PARD3: variants seen among roughly 807,000 people sequenced by gnomAD.
The protein encoded by PARD3 is par-3 family cell polarity regulator.
Under a neutral mutation model 155.4 loss-of-function variants are expected in PARD3, and 75 were observed. That is an observed-to-expected ratio of 0.48 (90% CI 0.40 to 0.58). The LOEUF is 0.58. PARD3 is among the 20% of genes least tolerant of loss of function. PARD3 has a pLI of 0.00. For synonymous variants in PARD3, 576 were observed against 610.5 expected (o/e 0.94, Z 0.83); for missense variants, 1,642 against 1,721.7 (o/e 0.95, Z 0.82).
rs1168038506 is a variant in PARD3, at chr10:34,718,996, G to A, written c.121-22577C>T. ...AATAAAAAATAAATTTTAAAAAAATGCATGGTGTATTGGAACAACCAGGGA... is the reference window on the plus strand; with the variant it reads ...AATAAAAAATAAATTTTAAAAAAATACATGGTGTATTGGAACAACCAGGGA... On this transcript the variant is annotated intron_variant, in intron 1 of 24. Coordinates refer to ENST00000374788, the MANE Select transcript of PARD3 (RefSeq NM_001184785.2). Among the ~76,000 whole-genome samples, 8 of 152,218 alleles carry A rather than the reference G, an allele frequency of 5.3e-5. No homozygotes were observed. The East Asian group carries it at 1.5e-3, about 29-fold the overall frequency.
At chr10:34,798,896 T>C (rs576704209) in intron 1 of PARD3, among the ~76,000 whole-genome samples, 25 of 151,796 alleles carry the variant, frequency 1.6e-4, no homozygotes, top group African/African-American at 6.1e-4. Context: ...GGGCCAGGAG[T>C]CCTCCAACCC....
At chr10:34,737,460 T>G (rs1304430309) in intron 1 of PARD3, among the ~76,000 whole-genome samples, 2 of 152,188 alleles carry the variant, frequency 1.3e-5, no homozygotes, top group Non-Finnish European at 2.9e-5. Flanking sequence ...GGAGCCGATT[T>G]TACCACAGAG....
intron 2 of PARD3, among the ~76,000 whole-genome samples, chr10:34,661,788 C>T (rs2093332257): frequency 2.0e-5 from 3 of 152,250 alleles, no homozygotes; most frequent in Admixed American, 1.3e-4. Context: ...AAGGAGGGAC[C>T]GCCCAGACAG....
intron 2 of PARD3, among the ~76,000 whole-genome samples, chr10:34,617,886 C>A (rs1261607980): frequency 6.6e-6 from 1 of 152,046 alleles, no homozygotes; most frequent in Non-Finnish European, 1.5e-5. Context: ...TTTTTTATTT[C>A]TCAGATTGGG....
chr10:34,745,397 G>C (rs1220313089), intron 1 of PARD3, among the ~76,000 whole-genome samples: 2 of 147,922 alleles, frequency 1.4e-5, no homozygotes, highest in Non-Finnish European at 3.0e-5. Context: ...TAAAAGGAAG[G>C]AAAGGAAGGA....
chr10:34,230,405 A>G (rs1190798916), intron 22 of PARD3, among the ~76,000 whole-genome samples: 1 of 152,086 alleles, frequency 6.6e-6, no homozygotes, highest in Non-Finnish European at 1.5e-5. Context: ...CACACTGGTA[A>G]AGTTAAGTAT....
At chr10:34,268,404 T>C (rs1462762390) in intron 22 of PARD3, among the ~76,000 whole-genome samples, 1 of 147,590 alleles carries the variant, frequency 6.8e-6, no homozygotes, top group Admixed American at 6.8e-5. Flanking sequence ...AGAAATACCA[T>C]TTGACCCAGC....
At chr10:34,221,238 T>C (rs1021010750) in intron 22 of PARD3, among the ~76,000 whole-genome samples, 1 of 152,178 alleles carries the variant, frequency 6.6e-6, no homozygotes, top group African/African-American at 2.4e-5. Flanking sequence ...GTGATGTGCA[T>C]GTCCACCGCT....
At chr10:34,437,603 CTTAAA>C (rs1387690590) in intron 5 of PARD3, among the ~76,000 whole-genome samples, 2 of 152,082 alleles carry the variant, frequency 1.3e-5, no homozygotes, top group Admixed American at 1.3e-4. Context: ...AGTTTGGGGT[CTTAAA>C]TTAACAGTAT....
At chr10:34,195,875 C>G (rs1342339767) in intron 22 of PARD3, among the ~76,000 whole-genome samples, 1 of 152,170 alleles carries the variant, frequency 6.6e-6, no homozygotes, top group African/African-American at 2.4e-5. Context: ...ACCATTACCT[C>G]AAACCTTAGT....
At chr10:34,368,331 G>A (rs908424218) in intron 12 of PARD3, among the ~76,000 whole-genome samples, 1 of 152,154 alleles carries the variant, frequency 6.6e-6, no homozygotes, top group Admixed American at 6.5e-5. Flanking sequence ...CATGAGATAG[G>A]TAGAAGTCAG....
chr10:34,764,855 A>C (rs1362996090), intron 1 of PARD3, among the ~76,000 whole-genome samples: 1 of 152,210 alleles, frequency 6.6e-6, no homozygotes, highest in Non-Finnish European at 1.5e-5. Context: ...GTTTCTCATT[A>C]GCCCAGCACA....
rs374833506 is a variant in PARD3, at chr10:34,296,648, G to A, written c.3066-12403C>T. Reference sequence around the variant, plus strand: ...GGAAATGTAATTTGGACTCTTAAACGTCTACCAAAATGCATGATGTGATTA... The same window carrying A: ...GGAAATGTAATTTGGACTCTTAAACATCTACCAAAATGCATGATGTGATTA... On this transcript the variant is annotated intron_variant, in intron 20 of 24. Transcript: ENST00000374788. Among the ~76,000 whole-genome samples the A allele has an allele frequency of 3.3e-5, 5 of 152,118 alleles. No individual in the cohort carries two copies. The East Asian group carries it at 7.7e-4, about 23-fold the overall frequency.
At chr10:34,380,785 G>T (rs533017727) in intron 9 of PARD3, among the ~76,000 whole-genome samples, 3 of 152,210 alleles carry the variant, frequency 2.0e-5, no homozygotes, top group South Asian at 4.1e-4. Flanking sequence ...AAAAGGAAAA[G>T]ATATTTATGA....
chr10:34,787,545 G>A (rs1291641850), intron 1 of PARD3, among the ~76,000 whole-genome samples: 2 of 152,270 alleles, frequency 1.3e-5, no homozygotes, highest in South Asian at 4.2e-4. Context: ...TCTCAGTAAG[G>A]CTGCAGAGCA....
chr10:34,737,767 G>T (rs1303630633), intron 1 of PARD3, among the ~76,000 whole-genome samples: 1 of 152,170 alleles, frequency 6.6e-6, no homozygotes, highest in Non-Finnish European at 1.5e-5. Context: ...AAATAAATCT[G>T]TTGTTTTATA....
chr10:34,466,657 C>T (rs966319725), intron 4 of PARD3, among the ~76,000 whole-genome samples: 5 of 152,100 alleles, frequency 3.3e-5, no homozygotes, highest in African/African-American at 9.7e-5. Flanking sequence ...CCACTACAGA[C>T]TCATAAGAAT....
intron 22 of PARD3, among the ~76,000 whole-genome samples, chr10:34,163,311 C>T (rs1949372853): frequency 6.6e-6 from 1 of 152,114 alleles, no homozygotes; most frequent in Non-Finnish European, 1.5e-5. Flanking sequence ...AGATTAGAGC[C>T]ATCCAAGCTG....
intron 1 of PARD3, among the ~76,000 whole-genome samples, chr10:34,726,267 T>G (rs1371420066): frequency 2.0e-5 from 3 of 152,022 alleles, no homozygotes; most frequent in Admixed American, 2.0e-4. Flanking sequence ...GTGGTCAACA[T>G]GATGAAACTG....
Sources: gnomAD v4.1 joint callset for allele counts (sites outside exome capture counted in the v4.1 genomes callset) on GRCh38, gnomAD v4.1.1 for gene constraint, MANE v1.5 for transcripts, NCBI Gene and HGNC (gene_info 2026-07-23, HGNC 2026-07-21) for gene names.